Variants in RAPGEF6 observed in about 807,000 individuals in gnomAD.
The protein encoded by RAPGEF6 is PDZ domain containing guanine nucleotide exchange factor (GEF) 2.
Under a neutral mutation model 171.4 loss-of-function variants are expected in RAPGEF6, and 56 were observed. That is an observed-to-expected ratio of 0.33 (90% CI 0.26 to 0.41). The LOEUF is 0.41. RAPGEF6 is among the 10% of genes least tolerant of loss of function. The probability of loss-of-function intolerance (pLI) is 1.00; values close to 1 mark genes in which losing one functional copy is unlikely to be tolerated. For synonymous variants in RAPGEF6, 692 were observed against 650.1 expected (o/e 1.06, Z -0.98); for missense variants, 1,674 against 1,921.4 (o/e 0.87, Z 2.41).
At chr5:131,449,896 C>T in intron 21 of RAPGEF6, 1 of 1,064,216 alleles carries the variant, frequency 9.4e-7, no homozygotes, top group South Asian at 1.5e-5. Flanking sequence ...AGGCATTTGT[C>T]AGGAATGTAG....
At position 131,600,550 on chromosome 5, in the gene RAPGEF6, A is replaced by AAGGG. The variant is rs1158425803; in HGVS notation, c.197+2717_197+2720dup. ...ACGAGAAGGAAGGAAGGAAGGAAGG[A>AAGGG]AGGGAGGGAGGGAGGGAGGGAAAAG... On this transcript the variant is annotated intron_variant, in intron 3 of 27. Coordinates refer to ENST00000509018, the MANE Select transcript of RAPGEF6 (RefSeq NM_016340.6). Among the ~76,000 whole-genome samples, 307 of 121,620 alleles carry AAGGG rather than the reference A, an allele frequency of 2.5e-3. 2 individuals carry two copies. Among genetic ancestry groups the AAGGG allele is most frequent in the African/African-American group, 8.6e-3 (266 of 30,774 alleles). The allele number at this position is 121,620 out of a possible 152,430, so 79.8% of individuals were successfully genotyped here. A position where few individuals can be genotyped will look rare whatever the true frequency, so the allele number is the denominator to read the frequency against.
intron 14 of RAPGEF6, among the ~76,000 whole-genome samples, chr5:131,490,308 G>A (rs555815862): frequency 2.8e-4 from 42 of 152,096 alleles, no homozygotes; most frequent in African/African-American, 1.0e-3. Context: ...AGCAGATCTA[G>A]GGGATCAACA....
At chr5:131,550,404 A>G (rs1760847329) in intron 5 of RAPGEF6, among the ~76,000 whole-genome samples, 1 of 152,190 alleles carries the variant, frequency 6.6e-6, no homozygotes, top group African/African-American at 2.4e-5. Flanking sequence ...TACATGTACA[A>G]TCCTGGAAAA....
chr5:131,521,879 ACACACACACACACTCTCTCTCTCTCT>A (rs1758509039), intron 6 of RAPGEF6, among the ~76,000 whole-genome samples: 2 of 124,972 alleles, frequency 1.6e-5, no homozygotes, highest in South Asian at 5.0e-4. Flanking sequence ...ACACACACAC[ACACACACACACACTCTCTCTCTCTCT>A]CACACACACA....
chr5:131,501,337 A>G (rs544148694), intron 11 of RAPGEF6, among the ~76,000 whole-genome samples: 2,642 of 126,582 alleles, frequency 0.021, 31 homozygotes, highest in Non-Finnish European at 0.029. Context: ...CTTTGTCTCC[A>G]AAAAAAAAAA....
At position 131,431,436 on chromosome 5, in the gene RAPGEF6, T is replaced by G. The variant is rs1580813865; in HGVS notation, c.3975-87A>C. 3 of 1,421,138 alleles carry G rather than the reference T, an allele frequency of 2.1e-6. No individual in the cohort carries two copies. In the East Asian group the frequency reaches 6.9e-5, roughly 33 times the overall value. 88.0% of individuals were successfully genotyped at this position (1,421,138 alleles called of 1,614,324 possible). On this transcript the variant is annotated intron_variant, in intron 25 of 27. Transcript: ENST00000509018. ...CAAGTTATTATTGCCTGTGAGAAAC[T>G]ACAGAGCACGTACCACAAGTGTTCA...
chr5:131,446,385 G>C (rs1752691483), intron 22 of RAPGEF6, 98 bp downstream of exon 22: 1 of 1,174,278 alleles, frequency 8.5e-7, no homozygotes, highest in East Asian at 2.4e-5. Flanking sequence ...TTTTGTGAGT[G>C]AAAGTTAATT....
At chr5:131,633,403 TA>T (rs1336917777) in intron 1 of RAPGEF6, among the ~76,000 whole-genome samples, 2 of 152,082 alleles carry the variant, frequency 1.3e-5, no homozygotes, top group Non-Finnish European at 2.9e-5. Context: ...ATTTTTCCAT[TA>T]AAATGTGAAT....
chr5:131,447,795 A>AT (rs978938858), intron 21 of RAPGEF6, among the ~76,000 whole-genome samples: 12 of 152,240 alleles, frequency 7.9e-5, no homozygotes, highest in Middle Eastern at 3.4e-3. Flanking sequence ...GTGTTATGGC[A>AT]TTTTTTTCTT....
At chr5:131,451,335 GC>G (rs1444209337) in intron 21 of RAPGEF6, among the ~76,000 whole-genome samples, 1 of 151,912 alleles carries the variant, frequency 6.6e-6, no homozygotes, top group Non-Finnish European at 1.5e-5. Context: ...TGTAATCCCA[GC>G]ACTTTGGCAG....
Position 131,439,633 on chromosome 5 carries a change from C to A in RAPGEF6, c.3693G>T (p.Ala1231=), listed in dbSNP as rs764204630. ...CAGGAGGACTAGAATGTAAAGATGA[C>A]GCCACAGAAATAGTGTCTTCTGTAT... is the stretch of plus-strand genomic sequence containing the variant. The part of the protein sequence containing the change: ...KKHTEDTISV[A]SSLHSSPPAS... Residue 1231 remains alanine, a synonymous_variant, in exon 24 of 28, where the codon GCG becomes GCT. Coordinates refer to ENST00000509018, the MANE Select transcript of RAPGEF6 (RefSeq NM_016340.6). The A allele has an allele frequency of 6.2e-7, 1 of 1,612,538 alleles. No individual in the cohort carries two copies. The highest frequency in any genetic ancestry group is 8.5e-7 in the Non-Finnish European group (1 of 1,179,196).
chr5:131,476,698 G>T (rs1306025661), intron 16 of RAPGEF6, among the ~76,000 whole-genome samples: 2 of 152,036 alleles, frequency 1.3e-5, no homozygotes, highest in African/African-American at 4.8e-5. Flanking sequence ...TGTCCAGCTA[G>T]TTTTTTTATT....
intron 15 of RAPGEF6, among the ~76,000 whole-genome samples, chr5:131,488,172 C>T (rs1756049286): frequency 6.6e-6 from 1 of 152,122 alleles, no homozygotes; most frequent in African/African-American, 2.4e-5. Flanking sequence ...ACTGTTTTCC[C>T]ACTACTCAAA....
chr5:131,429,260 T>C, intron 26 of RAPGEF6, 44 bp from the exon 27 acceptor site: 2 of 1,422,296 alleles, frequency 1.4e-6, no homozygotes, highest in East Asian at 2.4e-5. Flanking sequence ...GAAAAAGAAA[T>C]GGAAAAAAAA....
rs1473199777 is a variant in RAPGEF6, at chr5:131,548,043, T to A, written c.495+4A>T. 1 of 1,612,972 alleles carries A rather than the reference T, an allele frequency of 6.2e-7. No individual in the cohort carries two copies. On this transcript the variant is annotated splice_donor_region_variant and intron_variant, in intron 6 of 27. Coordinates refer to ENST00000509018, the MANE Select transcript of RAPGEF6 (RefSeq NM_016340.6). ...ATTCATGAAGTGTTCCTAAATATACTCACAGAAAGATAGCTGTTAACCTCC... is the reference window on the plus strand; with the variant it reads ...ATTCATGAAGTGTTCCTAAATATACACACAGAAAGATAGCTGTTAACCTCC...
chr5:131,548,058 T>A lies in RAPGEF6; in HGVS notation c.484A>T (p.Ser162Cys), dbSNP rs753019333. ...CTAAATATACTCACAGAAAGATAGC[T>A]GTTAACCTCCACATCATCAGTAATG... ...QTITDDVEVN[S>C]YLSLPADLTK... The change falls in exon 6 of 28, where the codon AGC becomes TGC. Residue 162 changes from serine to cysteine, a missense_variant. This residue lies in a region of RAPGEF6 where 1,116 missense variants were observed against 1,321.5 expected (regional missense o/e 0.84). Transcript: ENST00000509018. 7.4e-6 allele frequency: 12 copies of A among 1,613,746 alleles called. No homozygotes were observed. In the South Asian group the frequency reaches 1.3e-4, roughly 18 times the overall value.
chr5:131,542,692 G>A (rs1760235180), intron 6 of RAPGEF6, among the ~76,000 whole-genome samples: 1 of 152,152 alleles, frequency 6.6e-6, no homozygotes, highest in South Asian at 2.1e-4. Flanking sequence ...TCCTTCCCAA[G>A]AAAGAAATCA....
chr5:131,496,125 T>G (rs1420453178), intron 12 of RAPGEF6, among the ~76,000 whole-genome samples: 2 of 152,124 alleles, frequency 1.3e-5, no homozygotes, highest in Non-Finnish European at 2.9e-5. Context: ...GAGGATCCCT[T>G]GAGTCCAGGA....
intron 1 of RAPGEF6, among the ~76,000 whole-genome samples, chr5:131,611,942 G>C (rs945907029): frequency 6.6e-6 from 1 of 152,086 alleles, no homozygotes; most frequent in African/African-American, 2.4e-5. Context: ...GCCATATAGA[G>C]ACAGTCCCCA....
Sources: allele counts gnomAD v4.1 joint callset (sites outside exome capture counted in the v4.1 genomes callset), GRCh38; gene constraint gnomAD v4.1.1; regional missense constraint gnomAD v4.1.1; transcripts MANE v1.5; gene names NCBI Gene and HGNC (gene_info 2026-07-23, HGNC 2026-07-21).